The following SHTN1 variants were observed in gnomAD, a reference collection of about 807,000 sequenced individuals.
The protein encoded by SHTN1 is shootin 1.
A neutral mutation model predicts 83.1 loss-of-function variants in SHTN1; 42 were observed. The ratio of observed to expected loss-of-function variants is 0.51; its 90% confidence interval spans 0.39 to 0.65. The LOEUF (loss-of-function observed/expected upper bound fraction) is 0.65. SHTN1 is among the 30% of genes least tolerant of loss of function. The probability of loss-of-function intolerance (pLI) is 0.00; values close to 1 mark genes in which losing one functional copy is unlikely to be tolerated. For missense variants in SHTN1, 622 were observed against 737.8 expected (o/e 0.84, Z 1.82); for synonymous variants, 224 against 247.7 (o/e 0.90, Z 0.90).
intron 2 of SHTN1, among the ~76,000 whole-genome samples, chr10:117,018,726 C>T (rs927415039): frequency 6.6e-6 from 1 of 151,948 alleles, no homozygotes; most frequent in African/African-American, 2.4e-5. Flanking sequence ...TGCTCGCCAC[C>T]ATGCCCAGCT....
At chr10:116,969,115 T>C (rs1437607034) in intron 2 of SHTN1, among the ~76,000 whole-genome samples, 1 of 152,184 alleles carries the variant, frequency 6.6e-6, no homozygotes, top group African/African-American at 2.4e-5. Context: ...CATTGGTGCA[T>C]ACCTGGGAGG....
At chr10:117,006,554 A>G (rs1852015524), upstream of SHTN1, among the ~76,000 whole-genome samples, 3 of 129,562 alleles carry the variant, frequency 2.3e-5, no homozygotes, top group Non-Finnish European at 3.2e-5. Flanking sequence ...TGACAGAGTG[A>G]GACTCCGTCT....
chr10:116,897,257 G>T (rs887306523), intron 16 of SHTN1, among the ~76,000 whole-genome samples: 1 of 152,128 alleles, frequency 6.6e-6, no homozygotes, highest in Non-Finnish European at 1.5e-5. Flanking sequence ...TCCTGAGGAT[G>T]TATTTTAAAA....
At chr10:116,942,640 T>G (rs920972172) in intron 8 of SHTN1, among the ~76,000 whole-genome samples, 1 of 152,194 alleles carries the variant, frequency 6.6e-6, no homozygotes, top group Admixed American at 6.5e-5. Flanking sequence ...GAGTTAAGAA[T>G]GGGGGGTAAC....
At chr10:116,932,716 CTATCA>C (rs1420877512) in intron 9 of SHTN1, among the ~76,000 whole-genome samples, 1 of 152,102 alleles carries the variant, frequency 6.6e-6, no homozygotes, top group African/African-American at 2.4e-5. Context: ...GGACATAACC[CTATCA>C]TAAGTCAAGG....
At chr10:117,046,429 T>C (rs1220183555) in intron 2 of SHTN1, among the ~76,000 whole-genome samples, 3 of 152,110 alleles carry the variant, frequency 2.0e-5, no homozygotes, top group African/African-American at 4.8e-5. Flanking sequence ...CCAGTGGGAA[T>C]ATTAAATAGT....
At position 116,921,482 on chromosome 10, in the gene SHTN1, G is replaced by A. The variant is rs774549137; in HGVS notation, c.1147C>T (p.Pro383Ser). The change falls in exon 12 of 17, where the codon CCC becomes TCC. Residue 383 changes from proline (P) to serine (S), a missense_variant. Pro to Ser is a moderately conservative substitution (Grantham distance 74). This residue lies in a region of SHTN1 where 383 missense variants were observed against 455.8 expected (regional missense o/e 0.84). Coordinates refer to ENST00000355371, the MANE Select transcript of SHTN1 (RefSeq NM_001127211.3). ...TCTTTCTTAGCACCACTGCCACTGGGGTGGGATCGTTTCCGGATCATGGAC... is the reference window on the plus strand; with the variant it reads ...TCTTTCTTAGCACCACTGCCACTGGAGTGGGATCGTTTCCGGATCATGGAC... The part of the protein sequence containing the change: ...LMSMIRKRSH[P>S]SGSGAKKEKA... 1.9e-6 allele frequency: 3 copies of A among 1,613,682 alleles called. No individual in the cohort carries two copies. Among genetic ancestry groups the A allele is most frequent in the Middle Eastern group, 1.7e-4 (1 of 6,060 alleles).
At chr10:116,967,996 A>G (rs1274001546) in intron 3 of SHTN1, among the ~76,000 whole-genome samples, 1 of 152,178 alleles carries the variant, frequency 6.6e-6, no homozygotes, top group Non-Finnish European at 1.5e-5. Context: ...ATCCTGGCCA[A>G]TATGGTGAAA....
At chr10:117,070,256 T>C (rs1853061041) in intron 1 of SHTN1, among the ~76,000 whole-genome samples, 1 of 151,294 alleles carries the variant, frequency 6.6e-6, no homozygotes, top group South Asian at 2.1e-4. Context: ...TCTATTCTTA[T>C]GTGTGTGTGT....
At chr10:116,977,652 C>T (rs1457809593) in intron 2 of SHTN1, among the ~76,000 whole-genome samples, 1 of 112,168 alleles carries the variant, frequency 8.9e-6, no homozygotes, top group African/African-American at 3.3e-5. Context: ...TTTTCAGTGA[C>T]TTTCTTACTC....
In SHTN1 at chr10:117,065,725, G is replaced by GAAAGAA. The variant is rs1491086800; in HGVS notation, c.-188-17216_-188-17215insTTCTTT. On this transcript the variant is annotated intron_variant, in intron 1 of 17. Coordinates refer to the SHTN1 transcript ENST00000392901. Reference sequence around the variant, plus strand: ...AAAGCGAGAGAGAGAGAGAGAGAGAGATGAAAGAAAGAAAGAAAGAAAGAA... The same window carrying GAAAGAA: ...AAAGCGAGAGAGAGAGAGAGAGAGAGAAAGAAATGAAAGAAAGAAAGAAAGAAAGAA... 6.9e-4 allele frequency among the ~76,000 whole-genome samples: 10 copies of GAAAGAA among 14,504 alleles called. 3 individuals carry two copies. Among genetic ancestry groups the GAAAGAA allele is most frequent in the Non-Finnish European group, 2.2e-3 (8 of 3,590 alleles). The allele number at this position is 14,504 out of a possible 152,430, so 9.5% of individuals were successfully genotyped here.
chr10:117,041,102 G>A (rs1295455688), intron 2 of SHTN1, among the ~76,000 whole-genome samples: 9 of 94,844 alleles, frequency 9.5e-5, no homozygotes, highest in Middle Eastern at 5.8e-3. Flanking sequence ...TCCCACCCCC[G>A]CCACCCCACA....
intron 1 of SHTN1, among the ~76,000 whole-genome samples, chr10:117,058,153 C>T (rs1425816539): frequency 6.6e-6 from 1 of 151,988 alleles, no homozygotes; most frequent in African/African-American, 2.4e-5. Flanking sequence ...AAACAAGCAA[C>T]AAAAGGAAAA....
At chr10:117,059,141 T>C (rs1263373104) in intron 1 of SHTN1, among the ~76,000 whole-genome samples, 2 of 152,202 alleles carry the variant, frequency 1.3e-5, no homozygotes, top group Non-Finnish European at 2.9e-5. Flanking sequence ...AATTTTATGT[T>C]ATTTTACCAC....
chr10:116,890,781 T>A (rs1847319634), intron 16 of SHTN1, among the ~76,000 whole-genome samples: 1 of 152,182 alleles, frequency 6.6e-6, no homozygotes, highest in African/African-American at 2.4e-5. Flanking sequence ...AAGACCTGAC[T>A]CCAAACCATA....
chr10:116,952,988 T>C (rs1168518615), intron 5 of SHTN1, among the ~76,000 whole-genome samples: 1 of 152,178 alleles, frequency 6.6e-6, no homozygotes, highest in East Asian at 1.9e-4. Context: ...AGGGAACTCC[T>C]TTAAACTTCC....
chr10:117,081,814 T>C (rs1216736182), intron 1 of SHTN1, among the ~76,000 whole-genome samples: 1 of 151,324 alleles, frequency 6.6e-6, no homozygotes, highest in South Asian at 2.1e-4. Flanking sequence ...TTTTCTAGTT[T>C]ATTTGCGTAG....
intron 15 of SHTN1, among the ~76,000 whole-genome samples, chr10:116,905,841 C>T (rs908965957): frequency 2.0e-5 from 3 of 152,100 alleles, no homozygotes; most frequent in Admixed American, 6.5e-5. Context: ...TAAAGGTTTC[C>T]GTTAATTCCC....
intron 1 of SHTN1, among the ~76,000 whole-genome samples, chr10:117,108,683 G>A (rs1261982050): frequency 6.6e-6 from 1 of 151,526 alleles, no homozygotes; most frequent in African/African-American, 2.4e-5. Flanking sequence ...TTGTGCACAT[G>A]TACCCTAGAA....
Sources: allele counts gnomAD v4.1 joint callset (sites outside exome capture counted in the v4.1 genomes callset), GRCh38; gene constraint gnomAD v4.1.1; regional missense constraint gnomAD v4.1.1; transcripts MANE v1.5; gene names NCBI Gene and HGNC (gene_info 2026-07-23, HGNC 2026-07-21).